Variants in WASF2 observed in about 807,000 individuals in gnomAD.
The protein encoded by WASF2 is actin-binding protein WASF2.
In WASF2, 14 loss-of-function variants were observed where a neutral mutation model predicts 45.0. That is an observed-to-expected ratio of 0.31 (90% CI 0.21 to 0.49). The LOEUF is 0.49. Among genes scored for constraint, WASF2 ranks in the 20% least tolerant of loss-of-function variants. The pLI, the probability that WASF2 is intolerant of heterozygous loss-of-function variation, is 0.99. For missense variants in WASF2, 439 were observed against 636.1 expected (o/e 0.69, Z 3.33); for synonymous variants, 200 against 236.3 (o/e 0.85, Z 1.41).
Position 27,409,846 on chromosome 1 carries a change from A to AGGG in WASF2, c.1182_1184dup (p.Pro400dup). ...GAGGGGGCCCCGGAGGAGGAGGAGGAGGGGGAGGAGGAGGTGCTCCTCCTG... is the reference window on the plus strand; with the variant it reads ...GAGGGGGCCCCGGAGGAGGAGGAGGAGGGGGGGGAGGAGGAGGTGCTCCTCCTG... On this transcript the variant is annotated inframe_insertion, in exon 8 of 9. Coordinates refer to ENST00000618852, the MANE Select transcript of WASF2 (RefSeq NM_006990.5). The AGGG allele has an allele frequency of 6.5e-7, 1 of 1,539,962 alleles. No individual in the cohort carries two copies. The highest frequency in any genetic ancestry group is 1.9e-5 in the Admixed American group (1 of 52,502).
intron 2 of WASF2, among the ~76,000 whole-genome samples, chr1:27,420,514 C>CTTTTTTTTTTTTTTT (rs782294669): frequency 1.2e-5 from 1 of 82,490 alleles, no homozygotes; most frequent in African/African-American, 5.6e-5. Flanking sequence ...ACCATCTGAG[C>CTTTTTTTTTTTTTTT]TTTTTTTTTT....
intron 1 of WASF2, among the ~76,000 whole-genome samples, chr1:27,480,980 G>A (rs920669509): frequency 3.9e-5 from 6 of 151,962 alleles, no homozygotes; most frequent in African/African-American, 1.5e-4. Context: ...AGAGCTTGCA[G>A]TGAGCCGAGA....
chr1:27,456,831 G>GT (rs2017474695), intron 1 of WASF2, among the ~76,000 whole-genome samples: 1 of 151,666 alleles, frequency 6.6e-6, no homozygotes, highest in Non-Finnish European at 1.5e-5. Context: ...CGCCTCACGG[G>GT]TTCAAGTGAT....
intron 1 of WASF2, among the ~76,000 whole-genome samples, chr1:27,477,138 T>C (rs1226660998): frequency 6.6e-6 from 1 of 152,186 alleles, no homozygotes; most frequent in African/African-American, 2.4e-5. Flanking sequence ...GAATGTGTAG[T>C]TGTAGTCATC....
intron 1 of WASF2, among the ~76,000 whole-genome samples, chr1:27,478,630 T>A (rs2017803766): frequency 2.0e-5 from 3 of 152,194 alleles, no homozygotes. Flanking sequence ...TTGCCCAGGC[T>A]GGAGTGCAAT....
At chr1:27,467,637 G>A (rs1379422583) in intron 1 of WASF2, among the ~76,000 whole-genome samples, 5 of 150,900 alleles carry the variant, frequency 3.3e-5, no homozygotes, top group Admixed American at 2.6e-4. Context: ...TTTCCGGGGG[G>A]CGCAGTGGCT....
intron 1 of WASF2, among the ~76,000 whole-genome samples, chr1:27,489,204 C>T (rs1305232014): frequency 6.6e-6 from 1 of 151,824 alleles, no homozygotes; most frequent in Admixed American, 6.6e-5. Context: ...TTGGAACAGC[C>T]CCTTTAGACA....
chr1:27,415,125 GC>G lies in WASF2; in HGVS notation c.538-163del, dbSNP rs377154265. ...TTACTGGGTTTGAAGTGACCCAGAG[GC>G]CATCTAATCCAAACCATCCCCGGGT... On this transcript the variant is annotated intron_variant, in intron 5 of 8. Transcript: ENST00000618852. Among the ~76,000 whole-genome samples the G allele has an allele frequency of 3.2e-3, 489 of 152,256 alleles. 2 individuals carry two copies. Among genetic ancestry groups the G allele is most frequent in the African/African-American group, 0.011 (468 of 41,554 alleles).
intron 1 of WASF2, among the ~76,000 whole-genome samples, chr1:27,474,728 T>G (rs1362717848): frequency 6.6e-6 from 1 of 151,034 alleles, no homozygotes; most frequent in Non-Finnish European, 1.5e-5. Context: ...GCCGAGATCA[T>G]GCCACTGCCC....
intron 1 of WASF2, among the ~76,000 whole-genome samples, chr1:27,458,308 TAAAAAAAAAAAA>T (rs71010355): frequency 3.4e-5 from 1 of 29,406 alleles, no homozygotes; most frequent in African/African-American, 1.1e-4. Flanking sequence ...GCGAGATTCT[TAAAAAAAAAAAA>T]AAAAAAAAAA....
chr1:27,487,621 TTTTATACA>T, intron 1 of WASF2, among the ~76,000 whole-genome samples: 1 of 90,330 alleles, frequency 1.1e-5, no homozygotes, highest in African/African-American at 4.9e-5. Flanking sequence ...ATTATATATA[TTTTATACA>T]ATATATAATA....
intron 1 of WASF2, among the ~76,000 whole-genome samples, chr1:27,454,333 A>G (rs1571148587): frequency 1.3e-5 from 2 of 150,470 alleles, no homozygotes; most frequent in African/African-American, 4.9e-5. Context: ...TGGGACCACA[A>G]GCGTGTGCCA....
At chr1:27,419,308 C>T (rs2016869893) in intron 2 of WASF2, among the ~76,000 whole-genome samples, 1 of 152,230 alleles carries the variant, frequency 6.6e-6, no homozygotes. Context: ...CTAATAGAGT[C>T]TTCTTGACAG....
In WASF2 at chr1:27,418,292, A is replaced by T; in HGVS notation, c.396T>A (p.Pro132=). Residue 132 remains proline (P), a synonymous_variant, in exon 4 of 9, where the codon CCT becomes CCA. Transcript: ENST00000618852. ...ACCTGTAAGGGGTAAGATTGTTGAG[A>T]GGGGGAGGAGTATCACAGGTATTGT... ...ETYNTCDTPP[P]LNNLTPYRDD... 1 of 1,614,138 alleles carries T rather than the reference A, an allele frequency of 6.2e-7. No homozygotes were observed. Among genetic ancestry groups the T allele is most frequent in the Non-Finnish European group, 8.5e-7 (1 of 1,180,002 alleles).
At chr1:27,487,573 A>T (rs1357148124) in intron 1 of WASF2, among the ~76,000 whole-genome samples, 1 of 97,810 alleles carries the variant, frequency 1.0e-5, no homozygotes, top group African/African-American at 4.5e-5. Flanking sequence ...ACAATATATA[A>T]TATATATTAT....
At chr1:27,423,853 A>G (rs1379922608) in intron 2 of WASF2, among the ~76,000 whole-genome samples, 1 of 152,190 alleles carries the variant, frequency 6.6e-6, no homozygotes, top group East Asian at 1.9e-4. Context: ...TCTGAGTGGG[A>G]GTCTTGGAGC....
At chr1:27,416,186 G>C in intron 4 of WASF2, 84 bp from the exon 5 acceptor site, 1 of 1,186,692 alleles carries the variant, frequency 8.4e-7, no homozygotes, top group Non-Finnish European at 1.3e-6. Context: ...CTACCAGTTA[G>C]CAGTTTTTAC....
At chr1:27,433,929 G>A (rs76256738) in intron 1 of WASF2, among the ~76,000 whole-genome samples, 6,002 of 152,252 alleles carry the variant, frequency 0.039, 603 homozygotes, top group East Asian at 0.36. Context: ...AGAGTGGAAT[G>A]CCCTATCTTT....
At chr1:27,427,511 C>T (rs2017002476) in intron 2 of WASF2, among the ~76,000 whole-genome samples, 3 of 152,296 alleles carry the variant, frequency 2.0e-5, no homozygotes, top group Middle Eastern at 3.4e-3. Flanking sequence ...AGCTGCACTG[C>T]TGTTGTGCTA....
Sources: allele counts gnomAD v4.1 joint callset (sites outside exome capture counted in the v4.1 genomes callset), GRCh38; gene constraint gnomAD v4.1.1; transcripts MANE v1.5; gene names NCBI Gene and HGNC (gene_info 2026-07-23, HGNC 2026-07-21).